Variants in BID observed in about 807,000 individuals in gnomAD.
BID encodes BH3-interacting domain death agonist.
Under a neutral mutation model 17.4 loss-of-function variants are expected in BID, and 19 were observed. That is an observed-to-expected ratio of 1.09 (90% CI 0.76 to 1.60). The LOEUF is 1.60. Among genes scored for constraint, BID ranks in the 40% most tolerant of loss-of-function variants. The pLI, the probability that BID is intolerant of heterozygous loss-of-function variation, is 0.00. For missense variants in BID, 226 were observed against 256.0 expected (o/e 0.88, Z 0.80); for synonymous variants, 108 against 102.8 (o/e 1.05, Z -0.31).
rs754508625 is a variant in BID, at chr22:17,773,691, C to T, written c.-59+690G>A. The T allele has an allele frequency of 2.1e-5, 34 of 1,609,134 alleles. No individual in the cohort carries two copies. The South Asian group carries it at 3.3e-4, about 16-fold the overall frequency. Reference sequence around the variant, plus strand: ...CATGACCCCAGCACCGCTGCACATTCGTATTTGTTGAATGAATGAATGAAC... The same window carrying T: ...CATGACCCCAGCACCGCTGCACATTTGTATTTGTTGAATGAATGAATGAAC... On this transcript the variant is annotated intron_variant, in intron 1 of 5. Transcript: ENST00000622694. This position sits in a 1 kb window ranked among gnomAD's most constrained non-coding sequence, Gnocchi z 4.4.
intron 3 of BID, among the ~76,000 whole-genome samples, chr22:17,742,987 G>C (rs1198814345): frequency 1.3e-5 from 2 of 152,218 alleles, no homozygotes; most frequent in Admixed American, 6.5e-5. Context: ...TGGTGACCTG[G>C]AGTCAGTGCC....
chr22:17,767,239 TAATA>T (rs976516210), intron 1 of BID, among the ~76,000 whole-genome samples: 29 of 150,546 alleles, frequency 1.9e-4, no homozygotes, highest in Non-Finnish European at 3.3e-4. Flanking sequence ...AAAAAAATTA[TAATA>T]AATAAAGAAA....
chr22:17,762,112 C>T (rs1435730537), intron 1 of BID, among the ~76,000 whole-genome samples: 1 of 152,100 alleles, frequency 6.6e-6, no homozygotes, highest in Non-Finnish European at 1.5e-5. Context: ...ACCGAGAATC[C>T]AGGTATCCTC....
chr22:17,749,887 A>T (rs181403), intron 2 of BID, among the ~76,000 whole-genome samples: 72,734 of 152,134 alleles, frequency 0.48, 18,015 homozygotes, highest in East Asian at 0.76. Flanking sequence ...CTGCACCACA[A>T]GCGGAGTGCG....
At chr22:17,750,995 C>T (rs2061534443) in intron 1 of BID, among the ~76,000 whole-genome samples, 1 of 151,824 alleles carries the variant, frequency 6.6e-6, no homozygotes, top group African/African-American at 2.4e-5. Flanking sequence ...GAGATTGCAC[C>T]ACTGCACTCC....
At chr22:17,752,317 G>A (rs538752972) in intron 1 of BID, among the ~76,000 whole-genome samples, 1 of 152,250 alleles carries the variant, frequency 6.6e-6, no homozygotes, top group East Asian at 1.9e-4. Context: ...CACGTAGCGG[G>A]TAGCAGTGGG....
intron 2 of BID, among the ~76,000 whole-genome samples, chr22:17,746,176 C>T (rs553613685): frequency 5.3e-5 from 8 of 151,658 alleles, no homozygotes; most frequent in South Asian, 4.2e-4. Flanking sequence ...ACAATGGGTG[C>T]CCATGGACAC....
chr22:17,746,104 G>A (rs2061493469), intron 2 of BID, among the ~76,000 whole-genome samples: 3 of 152,126 alleles, frequency 2.0e-5, no homozygotes, highest in Admixed American at 2.0e-4. Flanking sequence ...ATTACCCTAA[G>A]TGAACTAACT....
At chr22:17,760,384 G>A (rs1403553204) in intron 1 of BID, among the ~76,000 whole-genome samples, 8 of 146,722 alleles carry the variant, frequency 5.5e-5, no homozygotes, top group East Asian at 2.0e-4. Context: ...CCCAGGAGGC[G>A]GGGGTTGCAG....
chr22:17,753,445 A>C (rs993640367), intron 1 of BID, among the ~76,000 whole-genome samples: 3 of 152,186 alleles, frequency 2.0e-5, no homozygotes. Flanking sequence ...TCCCCTAGGC[A>C]ACGGTCTTGG....
intron 3 of BID, chr22:17,739,702 G>T: frequency 1.6e-6 from 1 of 641,576 alleles, no homozygotes; most frequent in Non-Finnish European, 2.6e-6. Flanking sequence ...CAGGGCCTCG[G>T]CTGAGGCCCA....
Position 17,738,249 on chromosome 22 carries a change from G to C in BID, c.364-20C>G, listed in dbSNP as rs1279894641. The C allele has an allele frequency of 1.2e-6, 2 of 1,603,304 alleles. No homozygotes were observed. Among genetic ancestry groups the C allele is most frequent in the East Asian group, 2.2e-5 (1 of 44,828 alleles). On this transcript the variant is annotated intron_variant, in intron 4 of 5. Coordinates refer to ENST00000622694, the MANE Select transcript of BID (RefSeq NM_001196.4). The stretch of plus-strand genomic sequence containing the variant: ...CCGGTCCTGCACAGAGGGGCACACA[G>C]AACCTGGTTTACTAATACTCTTCCC...
intron 2 of BID, among the ~76,000 whole-genome samples, chr22:17,749,587 C>T (rs2061521479): frequency 6.6e-6 from 1 of 152,240 alleles, no homozygotes; most frequent in Non-Finnish European, 1.5e-5. Context: ...ATAGCAATGG[C>T]ATTGGTTAGA....
chr22:17,735,219 A>C lies in BID; in HGVS notation c.*361T>G, dbSNP rs1044551485. 5.9e-5 allele frequency: 13 copies of C among 221,424 alleles called. No homozygotes were observed. The highest frequency in any genetic ancestry group is 8.9e-6 in the Non-Finnish European group (1 of 111,844). The allele number at this position is 221,424 out of a possible 1,614,324, so 13.7% of individuals were successfully genotyped here. On this transcript the variant is annotated 3_prime_UTR_variant, in exon 6 of 6. Transcript: ENST00000622694. ...AAACAGTAATTTTTTTTTACCAAAAAAATTGTATTTTGTTTCTACTTCCTT... is the reference window on the plus strand; with the variant it reads ...AAACAGTAATTTTTTTTTACCAAAACAATTGTATTTTGTTTCTACTTCCTT...
At chr22:17,762,539 T>C (rs2061646773) in intron 1 of BID, among the ~76,000 whole-genome samples, 1 of 152,040 alleles carries the variant, frequency 6.6e-6, no homozygotes, top group African/African-American at 2.4e-5. Flanking sequence ...TTTCACAAAT[T>C]TCAAATGAAT....
At chr22:17,753,076 C>T (rs1302615580) in intron 1 of BID, among the ~76,000 whole-genome samples, 3 of 145,110 alleles carry the variant, frequency 2.1e-5, no homozygotes, top group Non-Finnish European at 3.0e-5. Context: ...ACGCCATTCT[C>T]CTGCCTCAGC....
At chr22:17,746,200 G>A (rs1179350239) in intron 2 of BID, among the ~76,000 whole-genome samples, 4 of 151,418 alleles carry the variant, frequency 2.6e-5, no homozygotes, top group South Asian at 2.1e-4. Flanking sequence ...GATGGAGAGA[G>A]CAGGCACCGG....
At position 17,769,468 on chromosome 22, in the gene BID, G is replaced by A. The variant is rs1329877675; in HGVS notation, c.-59+4913C>T. Reference sequence around the variant, plus strand: ...CCCATCTCTCCCTGCCTGGATTTCAGGGGAAGTGGGGCTTGGGTAAACAGG... The same window carrying A: ...CCCATCTCTCCCTGCCTGGATTTCAAGGGAAGTGGGGCTTGGGTAAACAGG... On this transcript the variant is annotated intron_variant, in intron 1 of 5. Coordinates refer to ENST00000622694, the MANE Select transcript of BID (RefSeq NM_001196.4). The surrounding 1 kb of genome is among the most constrained non-coding windows in gnomAD (Gnocchi z 4.8). 6.6e-6 allele frequency among the ~76,000 whole-genome samples: 1 copy of A among 152,234 alleles called. No individual in the cohort carries two copies. The highest frequency in any genetic ancestry group is 1.5e-5 in the Non-Finnish European group (1 of 68,026).
rs939200007 is a variant in BID, at chr22:17,773,940, A to T, written c.-59+441T>A. On this transcript the variant is annotated intron_variant, in intron 1 of 5. Transcript: ENST00000622694. This position sits in a 1 kb window ranked among gnomAD's most constrained non-coding sequence, Gnocchi z 4.4. ...AGCCGGCAGGTGTCTGCGGTGCTGG[A>T]AAGACCACGGTGTGGGCGGGGATTC... The T allele has an allele frequency of 7.1e-6, 4 of 562,334 alleles. No individual in the cohort carries two copies. Among genetic ancestry groups the T allele is most frequent in the Non-Finnish European group, 1.3e-5 (4 of 315,436 alleles). The allele number at this position is 562,334 out of a possible 1,614,324, so 34.8% of individuals were successfully genotyped here.
Sources: gnomAD v4.1 joint callset for allele counts (sites outside exome capture counted in the v4.1 genomes callset) on GRCh38, gnomAD v4.1.1 for gene constraint, Gnocchi (gnomAD v3.1) non-coding constraint, MANE v1.5 for transcripts, NCBI Gene and HGNC (gene_info 2026-07-23, HGNC 2026-07-21) for gene names.